Variants in ST8SIA4 observed in about 807,000 individuals in gnomAD.
ST8SIA4 encodes ST8 alpha-N-acetyl-neuraminide alpha-2,8-sialyltransferase 4.
In ST8SIA4, 15 loss-of-function variants were observed where a neutral mutation model predicts 33.9. The observed-to-expected ratio is 0.44, with a 90% CI of 0.30 to 0.68. The LOEUF is 0.68. Ranked by LOEUF, ST8SIA4 falls within the 30% of genes least tolerant of loss-of-function variation. ST8SIA4 has a pLI of 0.10. For missense variants in ST8SIA4, 321 were observed against 428.0 expected (o/e 0.75, Z 2.21); for synonymous variants, 171 against 151.2 (o/e 1.13, Z -0.96).
At chr5:100,814,418 T>A (rs1250997944) in intron 4 of ST8SIA4, among the ~76,000 whole-genome samples, 1 of 152,030 alleles carries the variant, frequency 6.6e-6, no homozygotes. Flanking sequence ...TTTTGTGATA[T>A]TTGATTTGCA....
chr5:100,841,610 T>C (rs1751472467), intron 4 of ST8SIA4, among the ~76,000 whole-genome samples: 1 of 151,874 alleles, frequency 6.6e-6, no homozygotes, highest in Non-Finnish European at 1.5e-5. Flanking sequence ...TTTTCAATAA[T>C]TCACTGCTTT....
chr5:100,900,995 G>A lies in ST8SIA4; in HGVS notation c.113+1848C>T, dbSNP rs73777443. 9.1e-3 allele frequency among the ~76,000 whole-genome samples: 1,391 copies of A among 152,272 alleles called. 16 individuals are homozygous for A. The highest frequency in any genetic ancestry group is 0.032 in the African/African-American group (1,329 of 41,560). On this transcript the variant is annotated intron_variant, in intron 1 of 4. Coordinates refer to ENST00000231461, the MANE Select transcript of ST8SIA4 (RefSeq NM_005668.6). Reference sequence around the variant, plus strand: ...AACTGCTTCAGCTTGAAAAGGATGCGGGCAAAAGCCCAGCCCGACTAGCTC... The same window carrying A: ...AACTGCTTCAGCTTGAAAAGGATGCAGGCAAAAGCCCAGCCCGACTAGCTC...
chr5:100,862,267 T>C (rs960936572), intron 3 of ST8SIA4, among the ~76,000 whole-genome samples: 1 of 152,176 alleles, frequency 6.6e-6, no homozygotes, highest in Non-Finnish European at 1.5e-5. Flanking sequence ...AAGAGGAATA[T>C]GACTCAACTG....
intron 2 of ST8SIA4, among the ~76,000 whole-genome samples, chr5:100,894,406 C>T (rs1223193437): frequency 6.6e-6 from 1 of 152,078 alleles, no homozygotes; most frequent in Non-Finnish European, 1.5e-5. Flanking sequence ...AGACTCTACT[C>T]ATCTATTCAT....
Position 100,895,702 on chromosome 5 carries a change from T to A in ST8SIA4, c.197A>T (p.His66Leu). Reference protein sequence around the residue: ...IRKAGSSIFQHNVEGWKINSS... With the variant: ...IRKAGSSIFQLNVEGWKINSS... ...ATTGATTTTCCAACCTTCTACATTG[T>A]GCTGGAAGATTGAAGAGCCAGCCTT... The change falls in exon 2 of 5, where the codon CAC becomes CTC. Residue 66 changes from histidine (H) to leucine (L), a missense_variant. By Grantham distance (99) the His-to-Leu change is moderately conservative. Transcript: ENST00000231461. 1 of 1,612,956 alleles carries A rather than the reference T, an allele frequency of 6.2e-7. No individual in the cohort carries two copies. Among genetic ancestry groups the A allele is most frequent in the Non-Finnish European group, 8.5e-7 (1 of 1,179,156 alleles).
At chr5:100,844,408 T>A (rs1221321640) in intron 4 of ST8SIA4, among the ~76,000 whole-genome samples, 1 of 151,772 alleles carries the variant, frequency 6.6e-6, no homozygotes, top group African/African-American at 2.4e-5. Flanking sequence ...AAACAAGAAA[T>A]CTCATCCAGC....
chr5:100,844,938 G>C (rs1237101701), intron 4 of ST8SIA4, among the ~76,000 whole-genome samples: 2 of 151,952 alleles, frequency 1.3e-5, no homozygotes, highest in Non-Finnish European at 2.9e-5. Flanking sequence ...ATCTGATATG[G>C]CACACTAGTC....
At chr5:100,840,808 G>C (rs1392369160) in intron 4 of ST8SIA4, among the ~76,000 whole-genome samples, 1 of 150,586 alleles carries the variant, frequency 6.6e-6, no homozygotes, top group South Asian at 2.1e-4. Flanking sequence ...AGTCCCCAAA[G>C]TTTTCTTATT....
At chr5:100,890,614 T>A (rs780278156) in intron 2 of ST8SIA4, 4 of 151,842 alleles carry the variant, frequency 2.6e-5, no homozygotes, top group Non-Finnish European at 5.9e-5. Context: ...TATTACCCAA[T>A]ATTCAAAGCA....
At chr5:100,867,219 A>G (rs1752086173) in intron 3 of ST8SIA4, among the ~76,000 whole-genome samples, 1 of 152,118 alleles carries the variant, frequency 6.6e-6, no homozygotes. Context: ...TGCCCTGTGT[A>G]TTGCGAAATA....
chr5:100,848,024 G>A (rs1751604854), intron 4 of ST8SIA4, among the ~76,000 whole-genome samples: 1 of 151,894 alleles, frequency 6.6e-6, no homozygotes, highest in Non-Finnish European at 1.5e-5. Context: ...CTTATATTCT[G>A]AATGAGGAAA....
chr5:100,808,970 C>A lies in ST8SIA4; in HGVS notation c.*2877G>T, dbSNP rs991503894. The A allele has an allele frequency of 1.3e-5, 2 of 152,346 alleles. No homozygotes were observed. 9.4% of individuals were successfully genotyped at this position (152,346 alleles called of 1,614,324 possible). A position where few individuals can be genotyped will look rare whatever the true frequency, so the allele number is the denominator to read the frequency against. On this transcript the variant is annotated 3_prime_UTR_variant, in exon 5 of 5. Coordinates refer to ENST00000231461, the MANE Select transcript of ST8SIA4 (RefSeq NM_005668.6). ...CGACACTGAAGCCCTTTTTTTCATG[C>A]TGAACATTTTTGGAAGTGGGCAATG...
chr5:100,851,177 T>C (rs1202957710), intron 4 of ST8SIA4, among the ~76,000 whole-genome samples: 3 of 151,790 alleles, frequency 2.0e-5, no homozygotes, highest in African/African-American at 4.8e-5. Flanking sequence ...GCCAGGCTGG[T>C]CTCAAACTCC....
At chr5:100,899,152 T>C (rs1752842362) in intron 1 of ST8SIA4, among the ~76,000 whole-genome samples, 4 of 152,228 alleles carry the variant, frequency 2.6e-5, no homozygotes, top group Admixed American at 2.6e-4. Flanking sequence ...TCTTCATGAC[T>C]TGGCTTTTGA....
intron 4 of ST8SIA4, among the ~76,000 whole-genome samples, chr5:100,822,807 A>G (rs558656848): frequency 6.6e-6 from 1 of 152,282 alleles, no homozygotes. Context: ...CACAAGACAC[A>G]GATCATAAAG....
chr5:100,820,972 C>G (rs184640479), intron 4 of ST8SIA4, among the ~76,000 whole-genome samples: 1 of 151,984 alleles, frequency 6.6e-6, no homozygotes, highest in Non-Finnish European at 1.5e-5. Flanking sequence ...ATGACCTTCA[C>G]GTTTAATCCT....
intron 2 of ST8SIA4, among the ~76,000 whole-genome samples, chr5:100,889,293 G>A (rs1162728477): frequency 6.6e-6 from 1 of 151,858 alleles, no homozygotes; most frequent in African/African-American, 2.4e-5. Context: ...AAAACGACAA[G>A]GCTGGCTCTA....
At chr5:100,849,160 C>T in intron 4 of ST8SIA4, 2 of 984,886 alleles carry the variant, frequency 2.0e-6, no homozygotes, top group Non-Finnish European at 2.4e-6. Context: ...TAATTAAGGA[C>T]AAGAGTTTTT....
chr5:100,898,287 T>G (rs1432516753), intron 1 of ST8SIA4, among the ~76,000 whole-genome samples: 2 of 152,144 alleles, frequency 1.3e-5, no homozygotes, highest in African/African-American at 4.8e-5. Context: ...CACAAGTCCC[T>G]GTCTCTAAAA....
Sources: allele counts gnomAD v4.1 joint callset (sites outside exome capture counted in the v4.1 genomes callset), GRCh38; gene constraint gnomAD v4.1.1; transcripts MANE v1.5; gene names NCBI Gene and HGNC (gene_info 2026-07-23, HGNC 2026-07-21).